SLC17A1: variants seen among roughly 807,000 people sequenced by gnomAD.
SLC17A1 encodes sodium-dependent phosphate transport protein 1.
SLC17A1 carries 51 observed loss-of-function variants against 53.5 expected under a neutral mutation model. The ratio of observed to expected loss-of-function variants is 0.95; its 90% CI spans 0.76 to 1.20. The LOEUF (loss-of-function observed/expected upper bound fraction) is 1.20, where lower values mean the gene tolerates loss of function less well. Among genes scored for constraint, SLC17A1 ranks in the 50% most tolerant of loss-of-function variants. SLC17A1 has a pLI of 0.00. For missense variants in SLC17A1, 538 were observed against 568.2 expected, an observed-to-expected ratio of 0.95 and a Z score of 0.54; for synonymous variants, 179 against 198.8, an observed-to-expected ratio of 0.90 and a Z score of 0.84.
chr6:25,764,008 A>C, the SLC17A1 span, among the ~76,000 whole-genome samples: 1 of 152,242 alleles, frequency 6.6e-6, no homozygotes, highest in Non-Finnish European at 1.5e-5. Flanking sequence ...GGTTACTTTC[A>C]GAAAATCCAG....
chr6:25,748,901 C>T, the SLC17A1 span, among the ~76,000 whole-genome samples: 1 of 152,236 alleles, frequency 6.6e-6, no homozygotes, highest in Non-Finnish European at 1.5e-5. Context: ...CGCCTCCCGC[C>T]ACGGGGCAGT....
chr6:25,815,059 A>G (rs1764297616), intron 6 of SLC17A1, among the ~76,000 whole-genome samples: 1 of 151,780 alleles, frequency 6.6e-6, no homozygotes. Context: ...GAACTGTAGG[A>G]CAATTATAAA....
chr6:25,815,147 A>C (rs1434962125), intron 6 of SLC17A1, among the ~76,000 whole-genome samples: 1 of 151,694 alleles, frequency 6.6e-6, no homozygotes, highest in Non-Finnish European at 1.5e-5. Context: ...GGAAGAAAGA[A>C]AGAAATAGAG....
rs34669145 is a variant in SLC17A1 at position 25,802,935 on chromosome 6, C to CTTTTTT, written c.1179-1961_1179-1956dup. 3.2e-3 allele frequency among the ~76,000 whole-genome samples: 147 copies of CTTTTTT among 46,106 alleles called. 20 individuals carry two copies. The highest frequency in any genetic ancestry group is 3.8e-3 in the Non-Finnish European group (100 of 26,002). The allele number at this position is 46,106 out of a possible 152,430, so 30.2% of individuals were successfully genotyped here. ...ATGACGTTTTAACGACTATCTTCTT[C>CTTTTTT]TTTTTTTTTTTTTTTTTTTTTTTTT... On this transcript the variant is annotated intron_variant, in intron 10 of 12. Coordinates refer to ENST00000244527, the MANE Select transcript of SLC17A1 (RefSeq NM_005074.5).
the SLC17A1 span, among the ~76,000 whole-genome samples, chr6:25,758,519 AG>A: frequency 1.3e-5 from 2 of 152,076 alleles, no homozygotes; most frequent in Non-Finnish European, 2.9e-5. Context: ...TTAATCTAGG[AG>A]GGTTTTATAT....
At chr6:25,768,934 A>G in the SLC17A1 span, 2 of 1,506,770 alleles carry the variant, frequency 1.3e-6, no homozygotes, top group South Asian at 2.3e-5. Flanking sequence ...ACTTAGGGAG[A>G]GTGGGAGAAA....
the SLC17A1 span, among the ~76,000 whole-genome samples, chr6:25,765,502 G>A: frequency 6.6e-6 from 1 of 152,098 alleles, no homozygotes; most frequent in African/African-American, 2.4e-5. Context: ...GTTATTACGG[G>A]GAAATTGAGG....
chr6:25,793,276 G>A (rs1440281766), intron 12 of SLC17A1, among the ~76,000 whole-genome samples: 2 of 152,054 alleles, frequency 1.3e-5, no homozygotes, highest in African/African-American at 4.8e-5. Flanking sequence ...AAGAATCCCT[G>A]CTTTCTGATA....
At chr6:25,767,699 A>G in the SLC17A1 span, among the ~76,000 whole-genome samples, 22 of 152,230 alleles carry the variant, frequency 1.4e-4, no homozygotes, top group Non-Finnish European at 2.6e-4. Context: ...CAGTCTCAGT[A>G]AATGCAAATA....
At chr6:25,792,356 G>C (rs188439445) in intron 12 of SLC17A1, among the ~76,000 whole-genome samples, 1 of 152,184 alleles carries the variant, frequency 6.6e-6, no homozygotes, top group African/African-American at 2.4e-5. Context: ...GGCTTCACAC[G>C]GTGGCTCACG....
chr6:25,747,637 C>A, the SLC17A1 span, among the ~76,000 whole-genome samples: 10 of 152,182 alleles, frequency 6.6e-5, no homozygotes, highest in Admixed American at 6.5e-4. Context: ...ATGATTAGAT[C>A]ATGAGGCTGG....
At chr6:25,780,332 G>C (rs1763235419), downstream of SLC17A1, 2 of 152,218 alleles carry the variant, frequency 1.3e-5, no homozygotes, top group African/African-American at 4.8e-5. Context: ...AATAACAACT[G>C]TAGAAATAAT....
chr6:25,767,471 C>A, the SLC17A1 span, among the ~76,000 whole-genome samples: 1 of 152,128 alleles, frequency 6.6e-6, no homozygotes, highest in Non-Finnish European at 1.5e-5. Flanking sequence ...TTGGGGGCCA[C>A]AGAGAGCTCA....
chr6:25,754,485 G>A, the SLC17A1 span, among the ~76,000 whole-genome samples: 1 of 152,172 alleles, frequency 6.6e-6, no homozygotes, highest in Admixed American at 6.5e-5. Flanking sequence ...GAAACATGTG[G>A]GGTGTCAGGA....
intron 11 of SLC17A1, among the ~76,000 whole-genome samples, chr6:25,799,431 T>C (rs1763689365): frequency 6.6e-6 from 1 of 152,178 alleles, no homozygotes; most frequent in Non-Finnish European, 1.5e-5. Flanking sequence ...GAATGAGTTT[T>C]CTTCTGCTGG....
the SLC17A1 span, chr6:25,726,112 T>C: frequency 3.3e-6 from 5 of 1,505,908 alleles, no homozygotes; most frequent in Admixed American, 6.8e-5. Context: ...AGAAGTCTTT[T>C]TACCAATGAC....
chr6:25,773,612 T>A, the SLC17A1 span: 1 of 1,614,004 alleles, frequency 6.2e-7, no homozygotes, highest in South Asian at 1.1e-5. Flanking sequence ...CTGGCTTTTT[T>A]ATACCATTAT....
At chr6:25,744,346 A>G in the SLC17A1 span, among the ~76,000 whole-genome samples, 1 of 152,220 alleles carries the variant, frequency 6.6e-6, no homozygotes, top group Non-Finnish European at 1.5e-5. Context: ...ACACCTGTCC[A>G]GTTTGCTTGA....
the SLC17A1 span, among the ~76,000 whole-genome samples, chr6:25,772,237 G>C: frequency 6.6e-6 from 1 of 152,118 alleles, no homozygotes; most frequent in Non-Finnish European, 1.5e-5. Context: ...GAAACAGTAA[G>C]GAGCATATAC....
Sources: gnomAD v4.1 joint callset for allele counts (sites outside exome capture counted in the v4.1 genomes callset) on GRCh38, gnomAD v4.1.1 for gene constraint, MANE v1.5 for transcripts, NCBI Gene and HGNC (gene_info 2026-07-23, HGNC 2026-07-21) for gene names.